Variants in C10orf67 observed in about 807,000 individuals in gnomAD.
The protein encoded by C10orf67 is uncharacterized protein C10orf67, mitochondrial.
C10orf67 carries 60 observed loss-of-function variants against 35.6 expected under a neutral mutation model. That is an observed-to-expected ratio of 1.68 (90% CI 1.37 to 2.09). C10orf67 has a LOEUF of 2.09. C10orf67 is among the 30% of genes most tolerant of loss of function. The pLI, the probability that C10orf67 is intolerant of heterozygous loss-of-function variation, is 0.00. For synonymous variants in C10orf67, 167 were observed against 115.8 expected (o/e 1.44, Z -2.84); for missense variants, 474 against 330.2 (o/e 1.44, Z -3.38).
intron 5 of C10orf67, among the ~76,000 whole-genome samples, chr10:23,301,231 T>C (rs1246120413): frequency 6.6e-6 from 1 of 152,132 alleles, no homozygotes; most frequent in Admixed American, 6.5e-5. Context: ...TGCCAGGAGT[T>C]TGGGATGACA....
rs147967165 is a variant in C10orf67 at position 23,257,780 on chromosome 10, G to A, written c.1201-7089C>T. 1.9e-3 allele frequency among the ~76,000 whole-genome samples: 286 copies of A among 151,598 alleles called. 3 individuals are homozygous for A. The highest frequency in any genetic ancestry group is 6.4e-3 in the African/African-American group (265 of 41,450). On this transcript the variant is annotated intron_variant, in intron 10 of 15. Transcript: ENST00000636213. ...ATCACAGCACTGCACTCCAACCTGG[G>A]TGACAGAGTCAGACTCTGTTTTTTT... is the stretch of plus-strand genomic sequence containing the variant.
intron 1 of C10orf67, among the ~76,000 whole-genome samples, chr10:23,342,160 A>G (rs1014693989): frequency 1.3e-5 from 2 of 151,552 alleles, no homozygotes; most frequent in East Asian, 3.9e-4. Context: ...TGAGACCCTG[A>G]CTCTAAAAAA....
chr10:23,241,971 T>TA (rs1252151261), intron 12 of C10orf67, among the ~76,000 whole-genome samples: 2 of 151,856 alleles, frequency 1.3e-5, no homozygotes, highest in African/African-American at 4.8e-5. Flanking sequence ...ACATTTTTTT[T>TA]TTTTAATTTA....
chr10:23,306,253 C>T (rs994371537), intron 4 of C10orf67, among the ~76,000 whole-genome samples: 1 of 151,914 alleles, frequency 6.6e-6, no homozygotes, highest in East Asian at 1.9e-4. Context: ...AGGCTGGGCG[C>T]GGTGGCTCAC....
intron 10 of C10orf67, among the ~76,000 whole-genome samples, chr10:23,251,767 T>C (rs1842460835): frequency 6.6e-6 from 1 of 152,210 alleles, no homozygotes; most frequent in Non-Finnish European, 1.5e-5. Flanking sequence ...TCTTTTTTTC[T>C]TTTCATGTGT....
chr10:23,304,128 G>T (rs189140442), intron 4 of C10orf67, among the ~76,000 whole-genome samples: 1 of 152,200 alleles, frequency 6.6e-6, no homozygotes, highest in African/African-American at 2.4e-5. Flanking sequence ...CCCACTTTCA[G>T]CTGCAGTTTG....
chr10:23,277,877 G>GT (rs1843239254), intron 8 of C10orf67, among the ~76,000 whole-genome samples: 1 of 152,144 alleles, frequency 6.6e-6, no homozygotes, highest in Admixed American at 6.5e-5. Flanking sequence ...TCTGCACGCT[G>GT]TACAGGAAGC....
At chr10:23,320,673 C>A in intron 4 of C10orf67, 68 bp downstream of exon 4, 1 of 1,230,706 alleles carries the variant, frequency 8.1e-7, no homozygotes, top group Non-Finnish European at 1.2e-6. Flanking sequence ...AAGGTGATCC[C>A]CACTCCTTGC....
At chr10:23,313,962 A>G (rs954783513) in intron 4 of C10orf67, among the ~76,000 whole-genome samples, 6 of 151,154 alleles carry the variant, frequency 4.0e-5, no homozygotes, top group Non-Finnish European at 8.8e-5. Flanking sequence ...GCCACAGGCC[A>G]GGTGAGCAAC....
chr10:23,340,690 T>C (rs1845851665), intron 1 of C10orf67, among the ~76,000 whole-genome samples: 1 of 152,220 alleles, frequency 6.6e-6, no homozygotes, highest in Non-Finnish European at 1.5e-5. Context: ...TCTCTAATTT[T>C]AGCTAACAAC....
At chr10:23,226,310 G>C (rs999407710) in intron 13 of C10orf67, among the ~76,000 whole-genome samples, 1 of 152,084 alleles carries the variant, frequency 6.6e-6, no homozygotes, top group Non-Finnish European at 1.5e-5. Flanking sequence ...CAACTACATG[G>C]AAACTGAACA....
chr10:23,291,061 CA>C (rs1843705431), intron 6 of C10orf67, 70 bp downstream of exon 6: 1 of 624,736 alleles, frequency 1.6e-6, no homozygotes, highest in African/African-American at 1.9e-5. Flanking sequence ...TTGGAAAAGA[CA>C]AACATAGTTA....
At chr10:23,256,786 T>C (rs1790362734) in intron 10 of C10orf67, among the ~76,000 whole-genome samples, 1 of 151,952 alleles carries the variant, frequency 6.6e-6, no homozygotes, top group African/African-American at 2.4e-5. Flanking sequence ...GAGGAGGGGA[T>C]CAGCAGCTAC....
At chr10:23,265,799 A>T (rs925635355) in intron 10 of C10orf67, among the ~76,000 whole-genome samples, 4 of 152,158 alleles carry the variant, frequency 2.6e-5, no homozygotes, top group Non-Finnish European at 5.9e-5. Flanking sequence ...ATCTGGGGAA[A>T]GGTAGAAAAG....
intron 4 of C10orf67, among the ~76,000 whole-genome samples, chr10:23,309,767 G>A (rs112965195): frequency 1.3e-3 from 192 of 152,248 alleles, no homozygotes; most frequent in African/African-American, 4.5e-3. Context: ...GGATGGGCTC[G>A]GCCACTCTGG....
chr10:23,344,587 T>G lies in C10orf67; in HGVS notation c.188A>C (p.Gln63Pro). Residue 63 changes from glutamine (Q) to proline (P), a missense_variant, in exon 1 of 16, where the codon CAA (glutamine) becomes CCA (proline). Coordinates refer to ENST00000636213, the MANE Select transcript of C10orf67 (RefSeq NM_001371909.1). ...KREAREFKPP[Q>P]MRGSTRLNIS... Reference sequence around the variant, plus strand: ...AGCCTACCTCGTGGACCCGCGCATTTGCGGGGGCTTGAATTCCCGAGCTTC... The same window carrying G: ...AGCCTACCTCGTGGACCCGCGCATTGGCGGGGGCTTGAATTCCCGAGCTTC... 1 of 1,578,122 alleles carries G rather than the reference T, an allele frequency of 6.3e-7. No individual in the cohort carries two copies. The highest frequency in any genetic ancestry group is 8.6e-7 in the Non-Finnish European group (1 of 1,162,920).
intron 2 of C10orf67, among the ~76,000 whole-genome samples, chr10:23,324,682 C>T (rs186388947): frequency 1.3e-5 from 2 of 152,314 alleles, no homozygotes; most frequent in East Asian, 1.9e-4. Context: ...CTTCTGCTGC[C>T]CTTCTCCCAT....
At chr10:23,342,328 T>A (rs538244786) in intron 1 of C10orf67, among the ~76,000 whole-genome samples, 1 of 152,220 alleles carries the variant, frequency 6.6e-6, no homozygotes, top group South Asian at 2.1e-4. Context: ...TATTACATAG[T>A]TTACTTGTTT....
chr10:23,215,585 T>C (rs1469061495), intron 15 of C10orf67, among the ~76,000 whole-genome samples: 2 of 152,130 alleles, frequency 1.3e-5, no homozygotes, highest in Non-Finnish European at 2.9e-5. Context: ...CTGAGATATC[T>C]ATTATATACT....
Sources: gnomAD v4.1 joint callset for allele counts (sites outside exome capture counted in the v4.1 genomes callset) on GRCh38, gnomAD v4.1.1 for gene constraint, MANE v1.5 for transcripts, NCBI Gene and HGNC (gene_info 2026-07-23, HGNC 2026-07-21) for gene names.